The following PLGRKT variants were observed in gnomAD, a reference collection of about 807,000 sequenced individuals.
PLGRKT encodes plasminogen receptor with a C-terminal lysine, also known as plasminogen receptor (KT).
A neutral mutation model predicts 18.5 loss-of-function variants in PLGRKT; 22 were observed. The ratio of observed to expected loss-of-function variants is 1.19; its 90% CI spans 0.85 to 1.70. The LOEUF (loss-of-function observed/expected upper bound fraction) is 1.70, where lower values mean the gene tolerates loss of function less well. Ranked by LOEUF, PLGRKT falls within the 40% of genes most tolerant of loss-of-function variation. The probability of loss-of-function intolerance (pLI) is 0.00; values close to 1 mark genes in which losing one functional copy is unlikely to be tolerated. For synonymous variants in PLGRKT, 72 were observed against 52.8 expected (o/e 1.36, Z -1.58); for missense variants, 235 against 174.4 (o/e 1.35, Z -1.96).
rs151071473 is a variant in PLGRKT at position 5,433,643 on chromosome 9, C to T, written c.-6-1660G>A. Among the ~76,000 whole-genome samples the T allele has an allele frequency of 4.0e-3, 554 of 139,972 alleles. 9 individuals are homozygous for T. The highest frequency in any genetic ancestry group is 0.014 in the African/African-American group (512 of 35,850). The allele number at this position is 139,972 out of a possible 152,430, so 91.8% of individuals were successfully genotyped here. On this transcript the variant is annotated intron_variant, in intron 2 of 5. Coordinates refer to ENST00000223864, the MANE Select transcript of PLGRKT (RefSeq NM_018465.4). ...CTGGGATGTGAGGAGCGCCTTGGCC[C>T]GGCCGCCCCGTCTGGGATGTGAGGA...
chr9:5,386,660 G>A (rs1370907145), intron 3 of PLGRKT, among the ~76,000 whole-genome samples: 1 of 151,808 alleles, frequency 6.6e-6, no homozygotes, highest in Admixed American at 6.6e-5. Flanking sequence ...CCTCACTCCA[G>A]CCTTCATCTT....
At chr9:5,385,581 G>C (rs943796035) in intron 3 of PLGRKT, among the ~76,000 whole-genome samples, 2 of 151,618 alleles carry the variant, frequency 1.3e-5, no homozygotes, top group Middle Eastern at 3.2e-3. Context: ...TCCTTTCCCA[G>C]TGGCTCACAT....
chr9:5,434,800 G>A (rs1160714253), intron 2 of PLGRKT, among the ~76,000 whole-genome samples: 2 of 152,382 alleles, frequency 1.3e-5, no homozygotes, highest in East Asian at 3.9e-4. Context: ...CATCTGGGAA[G>A]TGTACCCAAC....
chr9:5,366,167 C>T (rs1358701224), intron 3 of PLGRKT, among the ~76,000 whole-genome samples: 1 of 152,104 alleles, frequency 6.6e-6, no homozygotes, highest in Non-Finnish European at 1.5e-5. Context: ...TCAAATTTTT[C>T]AATAACCATA....
intron 3 of PLGRKT, among the ~76,000 whole-genome samples, chr9:5,429,142 T>C (rs983899826): frequency 3.3e-5 from 5 of 152,244 alleles, no homozygotes; most frequent in South Asian, 2.1e-4. Context: ...ACACTCTCCC[T>C]ACCCACTACA....
chr9:5,401,591 A>C (rs1004760358), intron 3 of PLGRKT, among the ~76,000 whole-genome samples: 3 of 151,944 alleles, frequency 2.0e-5, no homozygotes, highest in Non-Finnish European at 4.4e-5. Context: ...TTTTTTAAGC[A>C]GAGCCTTCCA....
chr9:5,362,519 G>A (rs1014457327), intron 3 of PLGRKT, among the ~76,000 whole-genome samples: 2 of 152,186 alleles, frequency 1.3e-5, no homozygotes, highest in African/African-American at 2.4e-5. Flanking sequence ...ATACTCAGGA[G>A]AAGCAACTGT....
At chr9:5,431,531 CAAA>C (rs1191361436) in intron 3 of PLGRKT, among the ~76,000 whole-genome samples, 6 of 77,054 alleles carry the variant, frequency 7.8e-5, no homozygotes, top group East Asian at 4.2e-4. Context: ...GAGACTCTCT[CAAA>C]AAAAAAAAAA....
Position 5,365,691 on chromosome 9 carries a change from G to A in PLGRKT, c.82-3803C>T, listed in dbSNP as rs115037830. Reference sequence around the variant, plus strand: ...ACGTGGGATGTATTGAATAGTAATGGATCAATGTTAGTTTCTTATTTGTGG... The same window carrying A: ...ACGTGGGATGTATTGAATAGTAATGAATCAATGTTAGTTTCTTATTTGTGG... On this transcript the variant is annotated intron_variant, in intron 3 of 5. Transcript: ENST00000223864. Among the ~76,000 whole-genome samples, 344 of 152,302 alleles carry A rather than the reference G, an allele frequency of 2.3e-3. 3 individuals carry two copies. Among genetic ancestry groups the A allele is most frequent in the African/African-American group, 7.7e-3 (320 of 41,572 alleles).
intron 3 of PLGRKT, among the ~76,000 whole-genome samples, chr9:5,381,580 T>C (rs927717566): frequency 6.6e-6 from 1 of 152,244 alleles, no homozygotes; most frequent in Non-Finnish European, 1.5e-5. Flanking sequence ...TGCAGATGTG[T>C]GGCCATGAGA....
In PLGRKT at chr9:5,367,761, G is replaced by C. The variant is rs534720141; in HGVS notation, c.82-5873C>G. On this transcript the variant is annotated intron_variant, in intron 3 of 5. Coordinates refer to ENST00000223864, the MANE Select transcript of PLGRKT (RefSeq NM_018465.4). ...AAATGTTACCTAATTAAACTAAAGAGCTTCTGCCCAACAACAACAAAACTA... is the reference window on the plus strand; with the variant it reads ...AAATGTTACCTAATTAAACTAAAGACCTTCTGCCCAACAACAACAAAACTA... 7.8e-4 allele frequency among the ~76,000 whole-genome samples: 118 copies of C among 152,060 alleles called. 1 individual carries two copies. The highest frequency in any genetic ancestry group is 1.1e-3 in the Non-Finnish European group (72 of 67,990).
intron 3 of PLGRKT, among the ~76,000 whole-genome samples, chr9:5,414,528 ATAAT>A (rs1252001617): frequency 1.3e-5 from 2 of 152,218 alleles, no homozygotes; most frequent in East Asian, 3.8e-4. Flanking sequence ...CCTCAGCACT[ATAAT>A]TAATTAAAAC....
At chr9:5,433,550 T>C (rs1818881874) in intron 2 of PLGRKT, among the ~76,000 whole-genome samples, 1 of 142,952 alleles carries the variant, frequency 7.0e-6, no homozygotes, top group Non-Finnish European at 1.5e-5. Flanking sequence ...GTCTGGGATG[T>C]GAGGAGTGCC....
At chr9:5,395,929 T>C (rs575434700) in intron 3 of PLGRKT, among the ~76,000 whole-genome samples, 5 of 147,728 alleles carry the variant, frequency 3.4e-5, no homozygotes, top group African/African-American at 1.3e-4. Flanking sequence ...AGTCTCACTC[T>C]GTTGCCCAGA....
intron 3 of PLGRKT, among the ~76,000 whole-genome samples, chr9:5,390,732 G>T (rs952167464): frequency 4.0e-5 from 6 of 151,796 alleles, no homozygotes; most frequent in African/African-American, 1.5e-4. Flanking sequence ...GCTGTTGTGT[G>T]ACTTAGAGAT....
At chr9:5,429,341 C>A (rs1272365924) in intron 3 of PLGRKT, among the ~76,000 whole-genome samples, 5 of 152,224 alleles carry the variant, frequency 3.3e-5, no homozygotes, top group African/African-American at 1.2e-4. Flanking sequence ...AGCAGCACCA[C>A]CTGCTTGGCA....
At chr9:5,369,285 G>A (rs567431278) in intron 3 of PLGRKT, among the ~76,000 whole-genome samples, 13 of 152,038 alleles carry the variant, frequency 8.6e-5, no homozygotes, top group South Asian at 2.1e-4. Context: ...AAAAGTGGGC[G>A]AATAGACACT....
intron 3 of PLGRKT, among the ~76,000 whole-genome samples, chr9:5,407,570 T>C (rs907383832): frequency 6.6e-6 from 1 of 152,124 alleles, no homozygotes; most frequent in Non-Finnish European, 1.5e-5. Flanking sequence ...ATTACAATAT[T>C]CTATTTGGGG....
At chr9:5,421,061 T>C (rs1305807649) in intron 3 of PLGRKT, among the ~76,000 whole-genome samples, 5 of 152,354 alleles carry the variant, frequency 3.3e-5, no homozygotes, top group African/African-American at 1.2e-4. Context: ...AACCCTTTAA[T>C]GGCTTCCCAC....
Sources: gnomAD v4.1 joint callset for allele counts (sites outside exome capture counted in the v4.1 genomes callset) on GRCh38, gnomAD v4.1.1 for gene constraint, MANE v1.5 for transcripts, NCBI Gene and HGNC (gene_info 2026-07-23, HGNC 2026-07-21) for gene names.